The following ACOXL variants were observed in gnomAD, a reference collection of about 807,000 sequenced individuals.
ACOXL encodes acyl-coenzyme A oxidase-like protein.
A neutral mutation model predicts 71.9 loss-of-function variants in ACOXL; 70 were observed. The observed-to-expected ratio is 0.97, with a 90% confidence interval of 0.80 to 1.19. ACOXL has a LOEUF of 1.19. Ranked by LOEUF, ACOXL falls within the 50% of genes most tolerant of loss-of-function variation. The pLI, the probability that ACOXL is intolerant of heterozygous loss-of-function variation, is 0.00. For synonymous variants in ACOXL, 253 were observed against 281.6 expected, an observed-to-expected ratio of 0.90 and a Z score of 1.02; for missense variants, 703 against 736.3, an observed-to-expected ratio of 0.95 and a Z score of 0.52.
chr2:110,963,016 C>T (rs944322033), intron 12 of ACOXL, among the ~76,000 whole-genome samples: 35 of 152,148 alleles, frequency 2.3e-4, no homozygotes, highest in African/African-American at 8.4e-4. Flanking sequence ...CTTACTTTCT[C>T]CTGTGTAGCT....
chr2:110,964,541 A>G (rs13386443), intron 12 of ACOXL, among the ~76,000 whole-genome samples: 55,172 of 152,142 alleles, frequency 0.36, 11,220 homozygotes, highest in Middle Eastern at 0.52. Flanking sequence ...TGTCAACATC[A>G]TAGAGTGCAC....
chr2:110,746,243 T>C (rs951475512), intron 1 of ACOXL, among the ~76,000 whole-genome samples: 1 of 152,088 alleles, frequency 6.6e-6, no homozygotes, highest in Non-Finnish European at 1.5e-5. Flanking sequence ...TTACGGAACA[T>C]ATGCAAACCT....
chr2:110,856,274 T>C (rs187803907), intron 10 of ACOXL, among the ~76,000 whole-genome samples: 2 of 152,304 alleles, frequency 1.3e-5, no homozygotes, highest in African/African-American at 4.8e-5. Flanking sequence ...TCTGAAGCCA[T>C]CCTGCTCCAT....
chr2:111,082,900 T>C (rs1443942941), intron 16 of ACOXL, among the ~76,000 whole-genome samples: 1 of 152,182 alleles, frequency 6.6e-6, no homozygotes, highest in Non-Finnish European at 1.5e-5. Flanking sequence ...TGGATGAAGC[T>C]GGAAACTATC....
chr2:111,067,629 C>A (rs1175199360), intron 16 of ACOXL, among the ~76,000 whole-genome samples: 1 of 152,166 alleles, frequency 6.6e-6, no homozygotes, highest in Non-Finnish European at 1.5e-5. Context: ...GAAGAGTATT[C>A]TGTCACATTA....
At chr2:111,098,154 A>G (rs929757229) in intron 17 of ACOXL, among the ~76,000 whole-genome samples, 7 of 152,290 alleles carry the variant, frequency 4.6e-5, no homozygotes, top group African/African-American at 9.6e-5. Flanking sequence ...CCATAACCCA[A>G]ATCTAAGCGT....
In ACOXL at chr2:111,114,284, G is replaced by A. The variant is rs1044263429; in HGVS notation, c.1543-3332G>A. On this transcript the variant is annotated intron_variant, in intron 17 of 17. Transcript: ENST00000439055. ...CTACGTGGCCTTTTGTCCTCCAGCA[G>A]GCTAGACTGGGCTTCTGCACAGCAG... is the stretch of plus-strand genomic sequence containing the variant. 3 of 152,604 alleles carry A rather than the reference G, an allele frequency of 2.0e-5. No individual in the cohort carries two copies. In the East Asian group the frequency reaches 5.8e-4, roughly 29 times the overall value. The allele number at this position is 152,604 out of a possible 1,614,324, so 9.5% of individuals were successfully genotyped here.
At chr2:110,918,903 A>G (rs2059962461) in intron 11 of ACOXL, among the ~76,000 whole-genome samples, 1 of 152,254 alleles carries the variant, frequency 6.6e-6, no homozygotes, top group Non-Finnish European at 1.5e-5. Flanking sequence ...TCAGAAAACA[A>G]CAGATGGTGG....
intron 17 of ACOXL, among the ~76,000 whole-genome samples, chr2:111,096,732 A>G (rs768130956): frequency 3.9e-5 from 6 of 152,076 alleles, no homozygotes; most frequent in Non-Finnish European, 7.4e-5. Flanking sequence ...TGTGTTGGTC[A>G]TTTGTTTTGA....
Position 110,768,351 on chromosome 2 carries a change from G to C in ACOXL, c.-22-17G>C. 3 of 1,606,720 alleles carry C rather than the reference G, an allele frequency of 1.9e-6. No individual in the cohort carries two copies. The highest frequency in any genetic ancestry group is 2.6e-6 in the Non-Finnish European group (3 of 1,173,728). ...CACCAATTATTGGCTGTCTTATTTTGTATCTGTTCTTCACAGGTATGATTT... is the reference window on the plus strand; with the variant it reads ...CACCAATTATTGGCTGTCTTATTTTCTATCTGTTCTTCACAGGTATGATTT... On this transcript the variant is annotated splice_polypyrimidine_tract_variant and intron_variant, in intron 1 of 17. Transcript: ENST00000439055.
At chr2:110,957,760 A>G (rs917570053) in intron 12 of ACOXL, among the ~76,000 whole-genome samples, 3 of 152,178 alleles carry the variant, frequency 2.0e-5, no homozygotes, top group South Asian at 2.1e-4. Flanking sequence ...ACTTCAACAT[A>G]AGAATTTTGT....
At chr2:110,881,130 C>CAT (rs972296399) in intron 10 of ACOXL, among the ~76,000 whole-genome samples, 1 of 151,124 alleles carries the variant, frequency 6.6e-6, no homozygotes, top group African/African-American at 2.4e-5. Context: ...TTGAACAGTT[C>CAT]ATATATATAT....
chr2:111,087,976 A>G (rs1210896185), intron 16 of ACOXL, among the ~76,000 whole-genome samples: 1 of 152,168 alleles, frequency 6.6e-6, no homozygotes, highest in Non-Finnish European at 1.5e-5. Context: ...ATTGAAGAGT[A>G]GGCAAAGAAC....
At chr2:111,096,377 G>T (rs1020681107) in intron 17 of ACOXL, among the ~76,000 whole-genome samples, 1 of 151,786 alleles carries the variant, frequency 6.6e-6, no homozygotes, top group African/African-American at 2.4e-5. Context: ...CAAGTACCTG[G>T]GATTATAGGC....
intron 11 of ACOXL, among the ~76,000 whole-genome samples, chr2:110,916,283 A>G (rs1006837931): frequency 6.6e-6 from 1 of 151,348 alleles, no homozygotes; most frequent in Non-Finnish European, 1.5e-5. Flanking sequence ...GGTGTTTATC[A>G]GCTTAGTTAA....
At chr2:111,098,631 T>C (rs1459349622) in intron 17 of ACOXL, 1 of 152,222 alleles carries the variant, frequency 6.6e-6, no homozygotes, top group African/African-American at 2.4e-5. Context: ...TAGTTATTAG[T>C]AATGCATTAA....
chr2:110,958,300 G>A (rs1259826482), intron 12 of ACOXL, among the ~76,000 whole-genome samples: 3 of 152,156 alleles, frequency 2.0e-5, no homozygotes, highest in Non-Finnish European at 4.4e-5. Flanking sequence ...AGAGCCCCAC[G>A]CACCTTCAGC....
At chr2:110,832,999 A>T (rs1690030860) in intron 9 of ACOXL, among the ~76,000 whole-genome samples, 1 of 152,248 alleles carries the variant, frequency 6.6e-6, no homozygotes, top group Non-Finnish European at 1.5e-5. Context: ...ACTTTGGAAA[A>T]CAGGTTAGCA....
At chr2:110,879,236 A>G (rs1696319288) in intron 10 of ACOXL, among the ~76,000 whole-genome samples, 1 of 152,108 alleles carries the variant, frequency 6.6e-6, no homozygotes, top group Admixed American at 6.5e-5. Flanking sequence ...CCCACATCCA[A>G]TCCCATTGTA....
Sources: allele counts gnomAD v4.1 joint callset (sites outside exome capture counted in the v4.1 genomes callset), GRCh38; gene constraint gnomAD v4.1.1; transcripts MANE v1.5; gene names NCBI Gene and HGNC (gene_info 2026-07-23, HGNC 2026-07-21).